CDIN1: variants seen among roughly 807,000 people sequenced by gnomAD.
The protein encoded by CDIN1 is CDAN1-interacting nuclease 1.
In CDIN1, 33 loss-of-function variants were observed where a neutral mutation model predicts 45.3. The observed-to-expected ratio is 0.73, with a 90% confidence interval of 0.55 to 0.97. CDIN1 has a LOEUF of 0.97. Ranked by LOEUF, CDIN1 falls within the 50% of genes least tolerant of loss-of-function variation. The probability of loss-of-function intolerance (pLI) is 0.00; values close to 1 mark genes in which losing one functional copy is unlikely to be tolerated. For missense variants in CDIN1, 303 were observed against 339.4 expected, an observed-to-expected ratio of 0.89 and a Z score of 0.84; for synonymous variants, 118 against 124.4, an observed-to-expected ratio of 0.95 and a Z score of 0.34.
rs570905232 is a variant in CDIN1, at chr15:36,742,991, G to A, written c.716+33030G>A. Among the ~76,000 whole-genome samples, 5 of 152,248 alleles carry A rather than the reference G, an allele frequency of 3.3e-5. No homozygotes were observed. In the South Asian group the frequency reaches 8.3e-4, roughly 25 times the overall value. ...ATAAGAAAAGCACAAAGGTTTTCTA[G>A]GTAACCTATTAAAAGGCAGACCAAA... On this transcript the variant is annotated intron_variant, in intron 10 of 10. Transcript: ENST00000566621.
chr15:36,656,719 T>C (rs2040797682), intron 4 of CDIN1, among the ~76,000 whole-genome samples: 1 of 152,150 alleles, frequency 6.6e-6, no homozygotes, highest in South Asian at 2.1e-4. Context: ...CTGATGTGGG[T>C]TACTAGGAAT....
At chr15:36,696,019 CAT>C (rs1455213119) in intron 7 of CDIN1, among the ~76,000 whole-genome samples, 1 of 151,108 alleles carries the variant, frequency 6.6e-6, no homozygotes, top group Non-Finnish European at 1.5e-5. Flanking sequence ...AGGTCATAAA[CAT>C]AGACTTGACA....
chr15:36,805,017 T>A (rs1040907329), intron 10 of CDIN1, among the ~76,000 whole-genome samples: 1 of 152,114 alleles, frequency 6.6e-6, no homozygotes, highest in African/African-American at 2.4e-5. Context: ...TCATTACTTA[T>A]GAAAAACCTC....
chr15:36,733,395 C>T (rs546637576), intron 10 of CDIN1, among the ~76,000 whole-genome samples: 19 of 152,078 alleles, frequency 1.2e-4, no homozygotes, highest in African/African-American at 4.3e-4. Flanking sequence ...ACAAGAAAAC[C>T]TGAAAATCTG....
At chr15:36,781,646 C>T (rs974166753) in intron 10 of CDIN1, among the ~76,000 whole-genome samples, 1 of 152,208 alleles carries the variant, frequency 6.6e-6, no homozygotes, top group African/African-American at 2.4e-5. Context: ...CCTTTTCAGT[C>T]CCATAAAGGT....
intron 10 of CDIN1, among the ~76,000 whole-genome samples, chr15:36,789,353 T>G (rs2054586573): frequency 6.6e-6 from 1 of 152,186 alleles, no homozygotes; most frequent in African/African-American, 2.4e-5. Flanking sequence ...AGTAAACAAA[T>G]ATAGAAACAT....
intron 1 of CDIN1, among the ~76,000 whole-genome samples, chr15:36,634,038 C>T (rs1443593994): frequency 1.3e-5 from 2 of 151,852 alleles, no homozygotes; most frequent in African/African-American, 4.8e-5. Flanking sequence ...AGGTGTGAGC[C>T]ACCATGCCCA....
chr15:36,729,922 G>T (rs1030957631), intron 10 of CDIN1, among the ~76,000 whole-genome samples: 12 of 152,102 alleles, frequency 7.9e-5, no homozygotes. Context: ...CCAGCATCAT[G>T]ATTTGTTCTG....
intron 1 of CDIN1, chr15:36,614,249 C>T: frequency 1.6e-6 from 1 of 611,086 alleles, no homozygotes; most frequent in Non-Finnish European, 3.1e-6. Context: ...ACCCTGACTC[C>T]ACCTAAGGCC....
At chr15:36,689,280 G>T (rs1413487233) in intron 5 of CDIN1, among the ~76,000 whole-genome samples, 1 of 152,064 alleles carries the variant, frequency 6.6e-6, no homozygotes, top group East Asian at 1.9e-4. Flanking sequence ...TTATGTCACG[G>T]AGTATTGTCC....
At chr15:36,599,601 C>T (rs768641115) in intron 1 of CDIN1, among the ~76,000 whole-genome samples, 24 of 152,148 alleles carry the variant, frequency 1.6e-4, no homozygotes, top group African/African-American at 3.1e-4. Flanking sequence ...TGAGCTGCTA[C>T]GTGAACAGCT....
intron 1 of CDIN1, among the ~76,000 whole-genome samples, chr15:36,604,403 A>G (rs1461968168): frequency 2.9e-5 from 4 of 137,822 alleles, no homozygotes; most frequent in African/African-American, 8.0e-5. Context: ...ATGTTCTTCT[A>G]TGACTTTTAA....
At chr15:36,705,074 C>T (rs1170416075) in intron 8 of CDIN1, 3 of 152,012 alleles carry the variant, frequency 2.0e-5, no homozygotes, top group Non-Finnish European at 4.4e-5. Flanking sequence ...ATTCAAAGGC[C>T]AGAGAAATTA....
At chr15:36,803,188 A>G (rs573979360) in intron 10 of CDIN1, among the ~76,000 whole-genome samples, 1 of 151,576 alleles carries the variant, frequency 6.6e-6, no homozygotes, top group South Asian at 2.1e-4. Context: ...AAGTTTACCA[A>G]AACAATAGAA....
intron 10 of CDIN1, among the ~76,000 whole-genome samples, chr15:36,775,953 T>C (rs2054208356): frequency 6.6e-6 from 1 of 152,236 alleles, no homozygotes; most frequent in South Asian, 2.1e-4. Context: ...AGTAATCGAT[T>C]AATATATCAT....
chr15:36,629,581 C>T (rs565549866), intron 1 of CDIN1, among the ~76,000 whole-genome samples: 1 of 152,272 alleles, frequency 6.6e-6, no homozygotes, highest in Admixed American at 6.5e-5. Context: ...GATTTTGTCA[C>T]TTGAGTAAGA....
intron 7 of CDIN1, among the ~76,000 whole-genome samples, chr15:36,692,586 A>G (rs1298101030): frequency 1.3e-5 from 2 of 152,204 alleles, no homozygotes; most frequent in Non-Finnish European, 2.9e-5. Flanking sequence ...CCTGGAGTTA[A>G]AGGAGGTTGT....
At chr15:36,750,582 T>C (rs1431019880) in intron 10 of CDIN1, among the ~76,000 whole-genome samples, 1 of 152,098 alleles carries the variant, frequency 6.6e-6, no homozygotes, top group Non-Finnish European at 1.5e-5. Flanking sequence ...TGCTGATAGC[T>C]CAATACTTAA....
At chr15:36,749,549 A>G (rs2053402010) in intron 10 of CDIN1, among the ~76,000 whole-genome samples, 1 of 152,206 alleles carries the variant, frequency 6.6e-6, no homozygotes, top group Non-Finnish European at 1.5e-5. Context: ...ATGCTGTCTT[A>G]TGAAGTCTGT....
Sources: gnomAD v4.1 joint callset for allele counts (sites outside exome capture counted in the v4.1 genomes callset) on GRCh38, gnomAD v4.1.1 for gene constraint, MANE v1.5 for transcripts, NCBI Gene and HGNC (gene_info 2026-07-23, HGNC 2026-07-21) for gene names.